Variants in UBAC2 observed in about 807,000 individuals in gnomAD.
UBAC2 encodes the protein ubiquitin-associated domain-containing protein 2.
Under a neutral mutation model 44.0 loss-of-function variants are expected in UBAC2, and 26 were observed. The observed-to-expected ratio is 0.59, with a 90% CI of 0.43 to 0.82. The LOEUF (loss-of-function observed/expected upper bound fraction) is 0.82, where lower values mean the gene tolerates loss of function less well. UBAC2 is among the 40% of genes least tolerant of loss of function. UBAC2 has a pLI of 0.00. For missense variants in UBAC2, 329 were observed against 419.4 expected, an observed-to-expected ratio of 0.78 and a Z score of 1.88; for synonymous variants, 155 against 154.3, an observed-to-expected ratio of 1.00 and a Z score of -0.04.
intron 7 of UBAC2, among the ~76,000 whole-genome samples, chr13:99,363,491 G>A (rs2045292379): frequency 6.6e-6 from 1 of 152,208 alleles, no homozygotes; most frequent in Non-Finnish European, 1.5e-5. Flanking sequence ...TTGTATAGAA[G>A]TCCAGCAGTG....
chr13:99,273,710 T>G (rs2043846730), intron 4 of UBAC2, among the ~76,000 whole-genome samples: 1 of 152,124 alleles, frequency 6.6e-6, no homozygotes, highest in Non-Finnish European at 1.5e-5. Flanking sequence ...GGTTGTACAC[T>G]TGGTGTGGGC....
In UBAC2 at chr13:99,203,800, A is replaced by T. The variant is rs537043463; in HGVS notation, c.31+2861A>T. ...TAGCCGGGAAGGTGACATTGAGCTGAGGCTCAGATGGTGTGAAGGAGCAAG... is the reference window on the plus strand; with the variant it reads ...TAGCCGGGAAGGTGACATTGAGCTGTGGCTCAGATGGTGTGAAGGAGCAAG... On this transcript the variant is annotated intron_variant, in intron 1 of 8. Transcript: ENST00000403766. 2.6e-5 allele frequency among the ~76,000 whole-genome samples: 4 copies of T among 152,320 alleles called. No homozygotes were observed. The South Asian group carries it at 8.3e-4, about 32-fold the overall frequency.
chr13:99,373,301 T>C (rs1300056544), intron 8 of UBAC2, among the ~76,000 whole-genome samples: 1 of 152,030 alleles, frequency 6.6e-6, no homozygotes, highest in East Asian at 1.9e-4. Flanking sequence ...ACTCATCAAG[T>C]GTATCTCTTC....
chr13:99,291,143 A>C (rs1050594616), intron 4 of UBAC2, among the ~76,000 whole-genome samples: 2 of 152,228 alleles, frequency 1.3e-5, no homozygotes, highest in African/African-American at 2.4e-5. Context: ...CCTCATCAGC[A>C]AGATGGGGAT....
chr13:99,366,365 T>A (rs935775671), intron 7 of UBAC2, among the ~76,000 whole-genome samples: 1 of 152,216 alleles, frequency 6.6e-6, no homozygotes, highest in African/African-American at 2.4e-5. Flanking sequence ...TTTTCCCCAC[T>A]GGAGCTTTAA....
At chr13:99,384,246 G>A (rs1303661248) in intron 8 of UBAC2, among the ~76,000 whole-genome samples, 2 of 152,172 alleles carry the variant, frequency 1.3e-5, no homozygotes, top group East Asian at 1.9e-4. Context: ...TCTTTAATGC[G>A]CAAGTGGCTA....
In UBAC2 at chr13:99,295,092, T is replaced by C. The variant is rs955768363; in HGVS notation, c.390-19005T>C. On this transcript the variant is annotated intron_variant, in intron 4 of 8. Transcript: ENST00000403766. The surrounding 1 kb of genome is among the most constrained non-coding windows in gnomAD (Gnocchi z 4.1). Reference sequence around the variant, plus strand: ...CCATTTGAAGACTTGGAATGTATCATCATCTGCGTTTCTGTCATTTCACGT... The same window carrying C: ...CCATTTGAAGACTTGGAATGTATCACCATCTGCGTTTCTGTCATTTCACGT... 2.5e-6 allele frequency: 4 copies of C among 1,614,080 alleles called. No individual in the cohort carries two copies. Among genetic ancestry groups the C allele is most frequent in the Non-Finnish European group, 3.4e-6 (4 of 1,179,970 alleles).
intron 7 of UBAC2, among the ~76,000 whole-genome samples, chr13:99,343,761 G>A (rs9513600): frequency 0.58 from 87,898 of 152,080 alleles, 27,044 homozygotes; most frequent in Non-Finnish European, 0.71. Context: ...CTGTGTCTCA[G>A]TTTTCTTCAC....
At chr13:99,207,317 C>G (rs1284770100) in intron 1 of UBAC2, among the ~76,000 whole-genome samples, 2 of 152,172 alleles carry the variant, frequency 1.3e-5, no homozygotes, top group African/African-American at 4.8e-5. Context: ...TAGAATTTTG[C>G]CATAGTAACT....
chr13:99,243,864 C>A lies in UBAC2; in HGVS notation c.192C>A (p.Cys64Ter). Residue 64 changes from cysteine to a stop codon, truncating the protein, a stop_gained, in exon 3 of 9, where the codon TGC becomes TGA. Coordinates refer to ENST00000403766, the MANE Select transcript of UBAC2 (RefSeq NM_001144072.2). LOFTEE classifies it high-confidence loss of function. ...IWRLICGRII[C>*]LDLKDTFCSS... Reference sequence around the variant, plus strand: ...GGTTGATATGTGGAAGAATAATTTGCCTTGATTTGAAAGATACTTTCTGCA... The same window carrying A: ...GGTTGATATGTGGAAGAATAATTTGACTTGATTTGAAAGATACTTTCTGCA... The A allele has an allele frequency of 6.3e-7, 1 of 1,575,004 alleles. No individual in the cohort carries two copies.
chr13:99,246,363 G>A (rs749356549), intron 4 of UBAC2, among the ~76,000 whole-genome samples: 2 of 152,144 alleles, frequency 1.3e-5, no homozygotes, highest in Non-Finnish European at 2.9e-5. Flanking sequence ...TTCTGTTATT[G>A]GGGAAAATAG....
chr13:99,203,123 G>A (rs1252068254), intron 1 of UBAC2, among the ~76,000 whole-genome samples: 9 of 151,660 alleles, frequency 5.9e-5, no homozygotes, highest in Admixed American at 4.6e-4. Flanking sequence ...TGCAACCTCC[G>A]CCTCCCGAGT....
intron 8 of UBAC2, among the ~76,000 whole-genome samples, chr13:99,383,214 T>G (rs564809578): frequency 6.6e-6 from 1 of 152,328 alleles, no homozygotes; most frequent in South Asian, 2.1e-4. Flanking sequence ...TGTGGCCAGT[T>G]AAGCTGGGCC....
At chr13:99,216,380 C>T (rs893667255) in intron 1 of UBAC2, among the ~76,000 whole-genome samples, 1 of 152,200 alleles carries the variant, frequency 6.6e-6, no homozygotes, top group African/African-American at 2.4e-5. Flanking sequence ...GCTGGGATTA[C>T]AGGTGTGAGC....
Position 99,255,500 on chromosome 13 carries a change from G to A in UBAC2, c.389+10876G>A, listed in dbSNP as rs111938999. ...TTAAGTTCTTTGGCGTACTTCGGCTGTACAATGGCCATGTATCTGTCAGCA... is the reference window on the plus strand; with the variant it reads ...TTAAGTTCTTTGGCGTACTTCGGCTATACAATGGCCATGTATCTGTCAGCA... On this transcript the variant is annotated intron_variant, in intron 4 of 8. Coordinates refer to ENST00000403766, the MANE Select transcript of UBAC2 (RefSeq NM_001144072.2). 2.5e-6 allele frequency: 4 copies of A among 1,614,002 alleles called. No individual in the cohort carries two copies. The African/African-American group carries it at 4.0e-5, about 16-fold the overall frequency.
At chr13:99,362,058 TTATGTAAA>T (rs1417339681) in intron 7 of UBAC2, among the ~76,000 whole-genome samples, 7 of 152,326 alleles carry the variant, frequency 4.6e-5, no homozygotes, top group Admixed American at 4.6e-4. Context: ...ATTTTTTAAT[TTATGTAAA>T]TAGTATTACA....
intron 1 of UBAC2, among the ~76,000 whole-genome samples, chr13:99,206,627 C>T (rs960333870): frequency 2.0e-5 from 3 of 152,108 alleles, no homozygotes; most frequent in Admixed American, 6.5e-5. Context: ...AGACCTGGCA[C>T]GTCTGTTCTG....
intron 1 of UBAC2, among the ~76,000 whole-genome samples, chr13:99,218,579 A>G (rs953882527): frequency 6.6e-6 from 1 of 151,538 alleles, no homozygotes; most frequent in African/African-American, 2.4e-5. Flanking sequence ...TTCGATAACA[A>G]GTGTTTATTG....
intron 4 of UBAC2, among the ~76,000 whole-genome samples, chr13:99,268,940 C>G (rs2043781704): frequency 6.6e-6 from 1 of 152,122 alleles, no homozygotes; most frequent in Non-Finnish European, 1.5e-5. Flanking sequence ...GAACTGTCTT[C>G]CACTGTTGAA....
Sources: allele counts gnomAD v4.1 joint callset (sites outside exome capture counted in the v4.1 genomes callset), GRCh38; gene constraint gnomAD v4.1.1; non-coding constraint Gnocchi (gnomAD v3.1); transcripts MANE v1.5; gene names NCBI Gene and HGNC (gene_info 2026-07-23, HGNC 2026-07-21).